Variants in THOC5 observed in about 807,000 individuals in gnomAD.
THOC5 encodes the protein Fms-interacting protein.
THOC5 carries 43 observed loss-of-function variants against 92.9 expected under a neutral mutation model. The observed-to-expected ratio is 0.46, with a 90% CI of 0.36 to 0.60. The LOEUF is 0.60. Ranked by LOEUF, THOC5 falls within the 20% of genes least tolerant of loss-of-function variation. The probability of loss-of-function intolerance (pLI) is 0.00; values close to 1 mark genes in which losing one functional copy is unlikely to be tolerated. For synonymous variants in THOC5, 296 were observed against 320.1 expected, an observed-to-expected ratio of 0.92 and a Z score of 0.80; for missense variants, 659 against 849.4, an observed-to-expected ratio of 0.78 and a Z score of 2.79.
intron 5 of THOC5, among the ~76,000 whole-genome samples, chr22:29,542,398 C>G (rs1238735099): frequency 1.3e-5 from 2 of 152,152 alleles, no homozygotes; most frequent in African/African-American, 2.4e-5. Context: ...TTGCAATTCT[C>G]CCACATTCAC....
At chr22:29,530,789 C>G (rs971376425) in intron 8 of THOC5, among the ~76,000 whole-genome samples, 1 of 152,004 alleles carries the variant, frequency 6.6e-6, no homozygotes, top group Non-Finnish European at 1.5e-5. Context: ...TCAGACAGGC[C>G]ACCACCGTCC....
At chr22:29,548,546 C>T (rs563095013) in intron 2 of THOC5, among the ~76,000 whole-genome samples, 15 of 152,162 alleles carry the variant, frequency 9.9e-5, no homozygotes, top group South Asian at 2.1e-4. Context: ...CACAGTGAGA[C>T]CCTGTCTCAA....
chr22:29,544,960 G>A (rs467812), intron 2 of THOC5: 177,527 of 331,908 alleles, frequency 0.53, 48,724 homozygotes, highest in South Asian at 0.7. Context: ...CATACTGTCC[G>A]TGCTGTTAAG....
At chr22:29,517,475 A>G in intron 15 of THOC5, 109 bp from the exon 16 acceptor site, 1 of 890,158 alleles carries the variant, frequency 1.1e-6, no homozygotes, top group South Asian at 1.6e-5. Context: ...CCGGCCAGCT[A>G]TCCTGGTATA....
intron 4 of THOC5, 58 bp downstream of exon 4, chr22:29,543,371 A>ATT: frequency 8.9e-7 from 1 of 1,126,682 alleles, no homozygotes; most frequent in Non-Finnish European, 1.3e-6. Context: ...AAAAAAAAAA[A>ATT]AGAAGGGGAT....
chr22:29,526,101 C>T (rs533598950), intron 11 of THOC5, among the ~76,000 whole-genome samples, 155 bp from the exon 12 acceptor site: 53 of 152,146 alleles, frequency 3.5e-4, no homozygotes, highest in African/African-American at 1.2e-3. Flanking sequence ...ATTCATACCC[C>T]AAACCTCAGG....
intron 19 of THOC5, among the ~76,000 whole-genome samples, chr22:29,509,346 A>G (rs1859811776): frequency 6.6e-6 from 1 of 152,118 alleles, no homozygotes; most frequent in African/African-American, 2.4e-5. Context: ...GAGGAAATCA[A>G]TGCTGGCCAT....
chr22:29,519,949 C>A, intron 14 of THOC5, 59 bp downstream of exon 14: 1 of 1,455,142 alleles, frequency 6.9e-7, no homozygotes, highest in South Asian at 1.2e-5. Context: ...TTTCTAGAGT[C>A]TATACAGGAA....
At position 29,507,550 on chromosome 22, in the gene THOC5, G is replaced by A. The variant is rs1245196156; in HGVS notation, c.*907C>T. 6.6e-6 allele frequency: 1 copy of A among 151,896 alleles called. No individual in the cohort carries two copies. The highest frequency in any genetic ancestry group is 1.5e-5 in the Non-Finnish European group (1 of 67,986). The allele number at this position is 151,896 out of a possible 1,614,324, so 9.4% of individuals were successfully genotyped here. On this transcript the variant is annotated 3_prime_UTR_variant, in exon 20 of 20. Transcript: ENST00000490103. ...ATTTCCATGTTTTTAGTAGAGACAG[G>A]GTTTCACCATGTCGGCCAGGCTGGT...
At chr22:29,511,906 C>T in intron 18 of THOC5, 115 bp downstream of exon 18, 1 of 846,754 alleles carries the variant, frequency 1.2e-6, no homozygotes, top group Non-Finnish European at 1.9e-6. Flanking sequence ...CTGGCACAAC[C>T]TTCTGTTTTG....
At chr22:29,542,977 G>T in intron 4 of THOC5, 21 bp from the exon 5 acceptor site, 2 of 1,580,450 alleles carry the variant, frequency 1.3e-6, no homozygotes, top group Non-Finnish European at 1.7e-6. Context: ...AATACGATCA[G>T]AAGTGAGCAG....
intron 7 of THOC5, 80 bp downstream of exon 7, chr22:29,536,544 G>T: frequency 1.2e-6 from 1 of 844,258 alleles, no homozygotes; most frequent in Non-Finnish European, 2.0e-6. Flanking sequence ...TAATAGACCT[G>T]GCAAAGCCCA....
chr22:29,512,184 T>G (rs752913067), intron 17 of THOC5, 48 bp from the exon 18 acceptor site: 3 of 1,530,592 alleles, frequency 2.0e-6, no homozygotes, highest in Non-Finnish European at 2.7e-6. Context: ...AGACTCAGCT[T>G]GCCAGCCATG....
At chr22:29,525,717 A>T (rs1300360234) in intron 12 of THOC5, 121 bp downstream of exon 12, 3 of 665,506 alleles carry the variant, frequency 4.5e-6, no homozygotes, top group African/African-American at 1.8e-5. Context: ...TGGATACAAG[A>T]CAAGTCAACA....
intron 1 of THOC5, among the ~76,000 whole-genome samples, chr22:29,551,433 T>TCAA (rs1203827244): frequency 6.6e-6 from 1 of 151,924 alleles, no homozygotes; most frequent in Admixed American, 6.6e-5. Flanking sequence ...AGATTCAGTC[T>TCAA]CAACAACAAC....
chr22:29,513,698 A>G (rs2063273483), intron 17 of THOC5, among the ~76,000 whole-genome samples: 1 of 151,882 alleles, frequency 6.6e-6, no homozygotes, highest in Non-Finnish European at 1.5e-5. Context: ...CAAAATAAAT[A>G]AATAAAAAGT....
chr22:29,528,811 A>G (rs903245335), intron 9 of THOC5: 6 of 497,332 alleles, frequency 1.2e-5, no homozygotes, highest in African/African-American at 9.6e-5. Context: ...AGGGGGTACT[A>G]TGTGCTGAGA....
At chr22:29,531,373 A>G in intron 8 of THOC5, 1 of 985,434 alleles carries the variant, frequency 1.0e-6, no homozygotes, top group Non-Finnish European at 1.2e-6. Context: ...AAGCTTAATG[A>G]GGACATATCA....
At chr22:29,547,537 G>A (rs551806328) in intron 2 of THOC5, among the ~76,000 whole-genome samples, 154 of 152,100 alleles carry the variant, frequency 1.0e-3, no homozygotes, top group African/African-American at 3.5e-3. Context: ...TAATTTGTTC[G>A]TATGTTTAGT....
Sources: allele counts gnomAD v4.1 joint callset (sites outside exome capture counted in the v4.1 genomes callset), GRCh38; gene constraint gnomAD v4.1.1; transcripts MANE v1.5; gene names NCBI Gene and HGNC (gene_info 2026-07-23, HGNC 2026-07-21).